DAPK1: variants seen among roughly 807,000 people sequenced by gnomAD.
DAPK1 encodes the protein death-associated protein kinase 1.
DAPK1 carries 56 observed loss-of-function variants against 144.9 expected under a neutral mutation model. That is an observed-to-expected ratio of 0.39 (90% CI 0.31 to 0.48). DAPK1 has a LOEUF of 0.48. DAPK1 is among the 20% of genes least tolerant of loss of function. The pLI, the probability that DAPK1 is intolerant of heterozygous loss-of-function variation, is 0.95. For synonymous variants in DAPK1, 690 were observed against 749.0 expected (o/e 0.92, Z 1.29); for missense variants, 1,454 against 1,875.4 (o/e 0.78, Z 4.15).
chr9:87,509,454 G>C (rs1403898693), intron 2 of DAPK1, among the ~76,000 whole-genome samples: 1 of 151,952 alleles, frequency 6.6e-6, no homozygotes, highest in South Asian at 2.1e-4. Context: ...CTCTGCCTCC[G>C]GGTTCAAGCG....
At chr9:87,639,543 C>G in intron 5 of DAPK1, 60 bp downstream of exon 5, 1 of 1,609,220 alleles carries the variant, frequency 6.2e-7, no homozygotes, top group Non-Finnish European at 8.5e-7. Context: ...GGCAAACCTC[C>G]CCTGCTAGAA....
intron 8 of DAPK1, among the ~76,000 whole-genome samples, 171 bp downstream of exon 8, chr9:87,640,621 A>T (rs1023065571): frequency 2.0e-5 from 3 of 152,156 alleles, no homozygotes; most frequent in African/African-American, 7.2e-5. Flanking sequence ...CTCTGCCCCC[A>T]CTCAGTCAGT....
At chr9:87,679,904 C>T (rs1162379449) in intron 19 of DAPK1, among the ~76,000 whole-genome samples, 2 of 152,144 alleles carry the variant, frequency 1.3e-5, no homozygotes, top group Non-Finnish European at 2.9e-5. Flanking sequence ...GACACCTCCA[C>T]ACAGAGAGGG....
Position 87,533,190 on chromosome 9 carries a change from G to T in DAPK1, c.62+34051G>T, listed in dbSNP as rs116297443. On this transcript the variant is annotated intron_variant, in intron 2 of 25. Transcript: ENST00000408954. Reference sequence around the variant, plus strand: ...ATATATATACACATGCGTGTGTGTGGATATGTATGCATATCTATATGTAAA... The same window carrying T: ...ATATATATACACATGCGTGTGTGTGTATATGTATGCATATCTATATGTAAA... Among the ~76,000 whole-genome samples the T allele has an allele frequency of 2.7e-3, 409 of 152,280 alleles. 1 individual carries two copies. Among genetic ancestry groups the T allele is most frequent in the African/African-American group, 8.4e-3 (347 of 41,548 alleles).
intron 2 of DAPK1, among the ~76,000 whole-genome samples, chr9:87,533,408 G>A (rs1385864282): frequency 1.3e-5 from 2 of 152,190 alleles, no homozygotes; most frequent in African/African-American, 2.4e-5. Context: ...GAGTGTTCAT[G>A]TGTTCACAGG....
chr9:87,554,685 C>T (rs1385300248), intron 2 of DAPK1, among the ~76,000 whole-genome samples: 16 of 152,140 alleles, frequency 1.1e-4, no homozygotes, highest in Non-Finnish European at 1.9e-4. Context: ...CTAGGGAGAT[C>T]GCTGATCTCC....
At chr9:87,620,722 G>A (rs1413302152) in intron 3 of DAPK1, among the ~76,000 whole-genome samples, 2 of 151,910 alleles carry the variant, frequency 1.3e-5, no homozygotes, top group Non-Finnish European at 2.9e-5. Flanking sequence ...GTGGTGGTCT[G>A]TATTTCCCTG....
chr9:87,599,377 C>T (rs571631867), intron 2 of DAPK1, among the ~76,000 whole-genome samples: 1 of 152,290 alleles, frequency 6.6e-6, no homozygotes, highest in South Asian at 2.1e-4. Context: ...ACAGTTTCTT[C>T]AGTGACTGCA....
At chr9:87,571,349 A>C (rs1827322128) in intron 2 of DAPK1, among the ~76,000 whole-genome samples, 1 of 151,264 alleles carries the variant, frequency 6.6e-6, no homozygotes, top group African/African-American at 2.4e-5. Context: ...TTTCTCCTGG[A>C]GCTTAAACAT....
rs1032344572 is a variant in DAPK1 at position 87,686,325 on chromosome 9, CG to C, written c.2225-222del. On this transcript the variant is annotated intron_variant, in intron 20 of 25. Transcript: ENST00000408954. This position sits in a 1 kb window ranked among gnomAD's most constrained non-coding sequence, Gnocchi z 4.2. ...AGGACCAGCCACCCGGGCAACAGGG[CG>C]GGGCAGAAAAGGTTGTGGGGAGGTA... Among the ~76,000 whole-genome samples, 1 of 152,086 alleles carries C rather than the reference CG, an allele frequency of 6.6e-6. No homozygotes were observed. The highest frequency in any genetic ancestry group is 1.5e-5 in the Non-Finnish European group (1 of 68,008).
In DAPK1 at chr9:87,703,110, C is replaced by G. The variant is rs1193867621; in HGVS notation, c.2953C>G (p.Leu985Val). The G allele has an allele frequency of 6.2e-7, 1 of 1,601,398 alleles. No individual in the cohort carries two copies. The highest frequency in any genetic ancestry group is 1.7e-5 in the Admixed American group (1 of 60,008). Residue 985 changes from leucine to valine, a missense_variant, in exon 25 of 26, where the codon CTG becomes GTG. Leu to Val is a conservative substitution (Grantham distance 32). This residue lies in a region of DAPK1 where 1,025 missense variants were observed against 1,237.9 expected (regional missense o/e 0.83). Transcript: ENST00000408954. ...SWRKLNGPNQ[L>V]MSLQQFVYDV... ...GAGGAAGCTCAATGGACCCAACCAG[C>G]TGATGTCGCTGCAGCAGTTTGTGTA...
chr9:87,643,467 T>C lies in DAPK1; in HGVS notation c.1010T>C (p.Leu337Pro). The C allele has an allele frequency of 6.3e-7, 1 of 1,597,496 alleles. No individual in the cohort carries two copies. Among genetic ancestry groups the C allele is most frequent in the Admixed American group, 1.7e-5 (1 of 58,424 alleles). The change falls in exon 11 of 26, where the codon CTG (leucine) becomes CCG (proline). Residue 337 changes from leucine to proline, a missense_variant and splice_region_variant. Coordinates refer to ENST00000408954, the MANE Select transcript of DAPK1 (RefSeq NM_004938.4). ...AGTGTTGCCAGAAGCGATGATACTC[T>C]GGTAAGCAAACCCGTGAGCCCTGGT... ...NMSVARSDDT[L>P]DEEDSFVMKA... is the part of the protein sequence containing the mutation.
chr9:87,517,881 T>C (rs1563970131), intron 2 of DAPK1, among the ~76,000 whole-genome samples: 2 of 152,112 alleles, frequency 1.3e-5, no homozygotes, highest in East Asian at 3.9e-4. Context: ...ATTTTTAGAT[T>C]TGAAAGCAGA....
At chr9:87,530,584 T>C (rs1214392197) in intron 2 of DAPK1, among the ~76,000 whole-genome samples, 1 of 152,232 alleles carries the variant, frequency 6.6e-6, no homozygotes, top group African/African-American at 2.4e-5. Context: ...TCCACTGTAC[T>C]TCTTCAGAAA....
chr9:87,556,718 C>T (rs769280870), intron 2 of DAPK1, among the ~76,000 whole-genome samples: 1 of 152,118 alleles, frequency 6.6e-6, no homozygotes, highest in Non-Finnish European at 1.5e-5. Context: ...TCCAGGAGCT[C>T]GCTGGAGAAC....
chr9:87,511,292 T>G (rs1824832724), intron 2 of DAPK1, among the ~76,000 whole-genome samples: 1 of 152,222 alleles, frequency 6.6e-6, no homozygotes, highest in Non-Finnish European at 1.5e-5. Flanking sequence ...TATTATGTGC[T>G]CATTAGATGA....
chr9:87,623,775 G>C (rs940485358), intron 3 of DAPK1, among the ~76,000 whole-genome samples: 2 of 152,108 alleles, frequency 1.3e-5, no homozygotes, highest in Non-Finnish European at 2.9e-5. Context: ...TTGCTCATAA[G>C]TGCCTTTCAT....
Position 87,700,219 on chromosome 9 carries a change from A to G in DAPK1, c.2853A>G (p.Ile951Met), listed in dbSNP as rs1825413378. The change falls in exon 24 of 26, where the codon ATA (isoleucine) becomes ATG (methionine). Residue 951 changes from isoleucine to methionine, a missense_variant. Physicochemically the swap from Ile to Met is conservative, Grantham distance 10. Around this residue, in one of 2 missense-constraint regions of DAPK1, gnomAD observed 1,025 missense variants for 1,237.9 expected, o/e 0.83. Transcript: ENST00000408954. The part of the protein sequence containing the change: ...MKVLRNHLQE[I>M]RSQIVSVCPP... Reference sequence around the variant, plus strand: ...TACTTCGAAATCATCTGCAAGAAATACGAAGCCAGATTGTTTCGGTAAGTA... The same window carrying G: ...TACTTCGAAATCATCTGCAAGAAATGCGAAGCCAGATTGTTTCGGTAAGTA... 3 of 1,611,264 alleles carry G rather than the reference A, an allele frequency of 1.9e-6. No individual in the cohort carries two copies. The highest frequency in any genetic ancestry group is 2.5e-6 in the Non-Finnish European group (3 of 1,177,470).
At chr9:87,519,732 T>C (rs7869043) in intron 2 of DAPK1, among the ~76,000 whole-genome samples, 65,288 of 152,020 alleles carry the variant, frequency 0.43, 14,223 homozygotes, top group South Asian at 0.55. Flanking sequence ...TTCCTCAGGA[T>C]CTGGTCTTTT....
Sources: allele counts gnomAD v4.1 joint callset (sites outside exome capture counted in the v4.1 genomes callset), GRCh38; gene constraint gnomAD v4.1.1; regional missense constraint gnomAD v4.1.1; non-coding constraint Gnocchi (gnomAD v3.1); transcripts MANE v1.5; gene names NCBI Gene and HGNC (gene_info 2026-07-23, HGNC 2026-07-21).